KCNH5: variants seen among roughly 807,000 people sequenced by gnomAD.
KCNH5 encodes the protein voltage-gated delayed rectifier potassium channel KCNH5.
In KCNH5, 46 loss-of-function variants were observed where a neutral mutation model predicts 96.1. The ratio of observed to expected loss-of-function variants is 0.48; its 90% confidence interval spans 0.38 to 0.61. The LOEUF is 0.61. Among genes scored for constraint, KCNH5 ranks in the 20% least tolerant of loss-of-function variants. The pLI is 0.00. For synonymous variants in KCNH5, 439 were observed against 449.8 expected (o/e 0.98, Z 0.30); for missense variants, 907 against 1,225.8 (o/e 0.74, Z 3.88).
intron 7 of KCNH5, among the ~76,000 whole-genome samples, chr14:62,865,841 T>C (rs1392161117): frequency 6.6e-6 from 1 of 152,220 alleles, no homozygotes; most frequent in African/African-American, 2.4e-5. Flanking sequence ...AGTTAATTGT[T>C]GGTAAGCAAG....
chr14:62,832,495 T>C (rs74943079), intron 8 of KCNH5, among the ~76,000 whole-genome samples: 4,298 of 152,276 alleles, frequency 0.028, 90 homozygotes, highest in South Asian at 0.059. Context: ...AGATTTTCTT[T>C]TTCCACTTAT....
intron 8 of KCNH5, among the ~76,000 whole-genome samples, chr14:62,829,886 C>T (rs1026801864): frequency 5.9e-5 from 9 of 152,282 alleles, no homozygotes; most frequent in African/African-American, 2.2e-4. Flanking sequence ...CTTTTATGCT[C>T]TGCTTCACTT....
chr14:62,960,643 C>G (rs992096676), intron 6 of KCNH5, among the ~76,000 whole-genome samples: 5 of 152,028 alleles, frequency 3.3e-5, no homozygotes, highest in African/African-American at 1.2e-4. Flanking sequence ...AGTCCATTTC[C>G]ATTTCCTTTT....
At chr14:62,812,619 GC>G (rs559865948) in intron 8 of KCNH5, among the ~76,000 whole-genome samples, 4 of 152,178 alleles carry the variant, frequency 2.6e-5, no homozygotes, top group African/African-American at 9.6e-5. Context: ...AACAGAGAAG[GC>G]AATAAATTAA....
At chr14:62,969,906 C>CA (rs1890371617) in intron 6 of KCNH5, among the ~76,000 whole-genome samples, 1 of 149,990 alleles carries the variant, frequency 6.7e-6, no homozygotes, top group Admixed American at 6.7e-5. Flanking sequence ...TATCAAGATA[C>CA]AAAAAATTAG....
Position 62,779,903 on chromosome 14 carries a change from T to C in KCNH5, c.1844A>G (p.Asp615Gly). The change falls in exon 10 of 11, where the codon GAC becomes GGC. Residue 615 changes from aspartate to glycine, a missense_variant. Asp to Gly is a moderately conservative substitution (Grantham distance 94, BLOSUM62 -1). This residue lies in a region of KCNH5 where 57 missense variants were observed against 76.0 expected (regional missense o/e 0.75). Coordinates refer to ENST00000322893, the MANE Select transcript of KCNH5 (RefSeq NM_139318.5). ...AILGKGDVFG[D>G]IFWKETTLAH... The stretch of plus-strand genomic sequence containing the variant: ...AAGGGTGGTTTCCTTCCAGAAGATG[T>C]CTCCAAATACATCACCCTTCCCTAG... 6.2e-7 allele frequency: 1 copy of C among 1,613,346 alleles called. No individual in the cohort carries two copies. Among genetic ancestry groups the C allele is most frequent in the South Asian group, 1.1e-5 (1 of 90,980 alleles).
chr14:62,834,343 A>T (rs12888444), intron 8 of KCNH5, among the ~76,000 whole-genome samples: 1 of 152,040 alleles, frequency 6.6e-6, no homozygotes, highest in African/African-American at 2.4e-5. Context: ...AATTACATTC[A>T]CGGATATAAT....
chr14:62,914,969 C>T (rs1889246063), intron 7 of KCNH5, among the ~76,000 whole-genome samples: 1 of 152,182 alleles, frequency 6.6e-6, no homozygotes, highest in Admixed American at 6.5e-5. Flanking sequence ...AGAATGGAGG[C>T]TTTGTTTTAG....
At chr14:62,753,011 C>A (rs1462952819) in intron 10 of KCNH5, among the ~76,000 whole-genome samples, 1 of 152,120 alleles carries the variant, frequency 6.6e-6, no homozygotes, top group Non-Finnish European at 1.5e-5. Flanking sequence ...AACAAGAAAC[C>A]AGGCACCAAT....
intron 7 of KCNH5, among the ~76,000 whole-genome samples, chr14:62,934,116 A>ATTTC (rs756930463): frequency 6.5e-4 from 95 of 146,662 alleles, no homozygotes; most frequent in African/African-American, 1.6e-3. Context: ...TCAAATGCAG[A>ATTTC]TTTCTTTCTT....
rs1214004708 is a variant in KCNH5, at chr14:62,997,741, C to CA, written c.433+3589dup. Among the ~76,000 whole-genome samples, 285 of 148,950 alleles carry CA rather than the reference C, an allele frequency of 1.9e-3. 2 individuals are homozygous for CA. The highest frequency in any genetic ancestry group is 3.5e-3 in the Non-Finnish European group (236 of 67,024). ...TGAAACCCCGTCTCTACTAAAAATA[C>CA]AAAAAAAAATTAACCGGGCATGGTG... On this transcript the variant is annotated intron_variant, in intron 4 of 10. Transcript: ENST00000322893.
At chr14:62,884,728 G>T (rs959950227) in intron 7 of KCNH5, among the ~76,000 whole-genome samples, 3 of 152,040 alleles carry the variant, frequency 2.0e-5, no homozygotes, top group Non-Finnish European at 4.4e-5. Flanking sequence ...AAAAAAAGAA[G>T]GCAAATGCAA....
Position 62,864,210 on chromosome 14 carries a change from T to A in KCNH5, c.1370-14358A>T, listed in dbSNP as rs150822757. Among the ~76,000 whole-genome samples, 76 of 152,340 alleles carry A rather than the reference T, an allele frequency of 5.0e-4. 2 individuals carry two copies. In the East Asian group the frequency reaches 0.014, roughly 27 times the overall value. On this transcript the variant is annotated intron_variant, in intron 7 of 10. Coordinates refer to ENST00000322893, the MANE Select transcript of KCNH5 (RefSeq NM_139318.5). ...TAAAAAGTGTATAAAGACTTTTCTG[T>A]ATTAATTGATTATTTTACAATAACC...
intron 10 of KCNH5, among the ~76,000 whole-genome samples, chr14:62,720,461 A>G (rs972957141): frequency 3.3e-5 from 5 of 152,136 alleles, no homozygotes; most frequent in African/African-American, 1.2e-4. Flanking sequence ...GGACACCTGT[A>G]AGTCCCAGCT....
intron 4 of KCNH5, among the ~76,000 whole-genome samples, chr14:62,998,935 G>A (rs2139588422): frequency 6.6e-6 from 1 of 152,276 alleles, no homozygotes; most frequent in Admixed American, 6.5e-5. Flanking sequence ...GTTGGATGGA[G>A]CACCATGAAT....
At chr14:62,717,814 G>A (rs1016280842) in intron 10 of KCNH5, among the ~76,000 whole-genome samples, 1 of 152,186 alleles carries the variant, frequency 6.6e-6, no homozygotes, top group Admixed American at 6.5e-5. Flanking sequence ...AATTAAAAAT[G>A]CTTGTACTTC....
chr14:62,827,962 T>C (rs1331200608), intron 8 of KCNH5, among the ~76,000 whole-genome samples: 1 of 152,194 alleles, frequency 6.6e-6, no homozygotes, highest in African/African-American at 2.4e-5. Context: ...TTTAGTTCCA[T>C]TAATTTTTTT....
At chr14:62,853,462 T>TATATATATG (rs1887857238) in intron 7 of KCNH5, among the ~76,000 whole-genome samples, 3 of 121,142 alleles carry the variant, frequency 2.5e-5, no homozygotes, top group Non-Finnish European at 3.4e-5. Context: ...TAATCATATA[T>TATATATATG]ATATATATAT....
chr14:62,859,480 G>A (rs1773195081), intron 7 of KCNH5, among the ~76,000 whole-genome samples: 1 of 152,126 alleles, frequency 6.6e-6, no homozygotes, highest in East Asian at 1.9e-4. Flanking sequence ...GTCACCTGTT[G>A]GTGAGCACTC....
Sources: allele counts gnomAD v4.1 joint callset (sites outside exome capture counted in the v4.1 genomes callset), GRCh38; gene constraint gnomAD v4.1.1; regional missense constraint gnomAD v4.1.1; transcripts MANE v1.5; gene names NCBI Gene and HGNC (gene_info 2026-07-23, HGNC 2026-07-21).